The following POLR2F variants were observed in gnomAD, a reference collection of about 807,000 sequenced individuals.
The protein encoded by POLR2F is RNA polymerase II, I and III subunit F.
POLR2F carries 12 observed loss-of-function variants against 22.7 expected under a neutral mutation model. The ratio of observed to expected loss-of-function variants is 0.53; its 90% CI spans 0.34 to 0.86. POLR2F has a LOEUF of 0.86. POLR2F is among the 40% of genes least tolerant of loss of function. The pLI is 0.02. For missense variants in POLR2F, 126 were observed against 171.5 expected, an observed-to-expected ratio of 0.73 and a Z score of 1.48; for synonymous variants, 57 against 66.0, an observed-to-expected ratio of 0.86 and a Z score of 0.66.
chr22:38,024,868 T>C (rs1449851093), intron 1 of POLR2F, among the ~76,000 whole-genome samples: 5 of 151,974 alleles, frequency 3.3e-5, no homozygotes, highest in Non-Finnish European at 5.9e-5. Flanking sequence ...CTGTGGACCA[T>C]GCAGAGGAGT....
chr22:38,011,615 G>T (rs781391460), intron 1 of POLR2F, among the ~76,000 whole-genome samples: 6 of 152,072 alleles, frequency 3.9e-5, no homozygotes, highest in Non-Finnish European at 7.4e-5. Flanking sequence ...TTTTTCCACT[G>T]ATGTATGCCT....
Position 38,023,676 on chromosome 22 carries a change from CT to C in POLR2F, c.121-2185del, listed in dbSNP as rs973455860. ...CATTCTTCTGTCTCTATGATTTTTG[CT>C]TTTTTTTCTTTTTGGGATGGAGTCT... is the stretch of plus-strand genomic sequence containing the variant. On this transcript the variant is annotated intron_variant, in intron 1 of 2. Transcript: ENST00000333418. Among the ~76,000 whole-genome samples, 2 of 151,410 alleles carry C rather than the reference CT, an allele frequency of 1.3e-5. 1 individual carries two copies. Among genetic ancestry groups the C allele is most frequent in the Non-Finnish European group, 2.9e-5 (2 of 67,870 alleles).
chr22:37,973,469 G>A (rs775950810), downstream of POLR2F: 699 of 1,419,398 alleles, frequency 4.9e-4, no homozygotes, highest in Non-Finnish European at 6.1e-4. Flanking sequence ...GGGGCTGGGC[G>A]GGGGGTGGTG....
In POLR2F at chr22:37,980,522, G is replaced by A. The variant is rs112319104; in HGVS notation, c.293+13352G>A. On this transcript the variant is annotated intron_variant, in intron 4 of 4. Coordinates refer to the POLR2F transcript ENST00000405557. This position sits in a 1 kb window ranked among gnomAD's most constrained non-coding sequence, Gnocchi z 4.1. ...TAAGCCTGGGGCCACTGCCATCCCC[G>A]ACCCCAGCTCCCTCCTCCACCAGCT... 7.2e-3 allele frequency among the ~76,000 whole-genome samples: 1,095 copies of A among 151,904 alleles called. 15 individuals are homozygous for A. Among genetic ancestry groups the A allele is most frequent in the African/African-American group, 0.023 (955 of 41,388 alleles).
intron 1 of POLR2F, among the ~76,000 whole-genome samples, chr22:37,989,854 CTCCACCT>C (rs1932685939): frequency 6.6e-6 from 1 of 152,216 alleles, no homozygotes; most frequent in Admixed American, 6.5e-5. Flanking sequence ...TTTGGGCCTG[CTCCACCT>C]TCCCCTGGAG....
At chr22:38,036,513 G>A (rs2085117727) in intron 5 of POLR2F, among the ~76,000 whole-genome samples, 2 of 149,798 alleles carry the variant, frequency 1.3e-5, no homozygotes, top group Non-Finnish European at 3.0e-5. Context: ...AGAGGAGCAG[G>A]CCCATTCTTA....
At chr22:37,971,914 C>T (rs370612014), downstream of POLR2F, among the ~76,000 whole-genome samples, 1 of 151,882 alleles carries the variant, frequency 6.6e-6, no homozygotes, top group African/African-American at 2.4e-5. Flanking sequence ...GGGGCATAGC[C>T]GCCGGGCTGG....
At chr22:38,020,706 C>A (rs2084954140) in intron 1 of POLR2F, among the ~76,000 whole-genome samples, 1 of 151,888 alleles carries the variant, frequency 6.6e-6, no homozygotes, top group Non-Finnish European at 1.5e-5. Flanking sequence ...CATGCCACTG[C>A]ACTCTAGCCT....
intron 1 of POLR2F, among the ~76,000 whole-genome samples, chr22:38,018,153 C>T (rs557878188): frequency 6.6e-6 from 1 of 152,178 alleles, no homozygotes; most frequent in African/African-American, 2.4e-5. Flanking sequence ...AGGCTGTGAT[C>T]GAAACCAGGG....
intron 3 of POLR2F, among the ~76,000 whole-genome samples, chr22:37,966,576 C>A (rs1931859751): frequency 1.3e-5 from 2 of 152,132 alleles, no homozygotes; most frequent in South Asian, 4.2e-4. Flanking sequence ...AGTTCGAGAC[C>A]AGCCTGGGCA....
chr22:38,023,989 C>T (rs1206097755), intron 1 of POLR2F, among the ~76,000 whole-genome samples: 2 of 151,976 alleles, frequency 1.3e-5, no homozygotes, highest in Non-Finnish European at 2.9e-5. Context: ...TTATAGGTGC[C>T]TGCCACCATG....
At chr22:37,999,466 C>T (rs2084749079) in intron 1 of POLR2F, among the ~76,000 whole-genome samples, 2 of 152,078 alleles carry the variant, frequency 1.3e-5, no homozygotes. Context: ...AATGTCATAC[C>T]CTAAGGAAGG....
At chr22:38,000,176 C>T (rs540275290) in intron 1 of POLR2F, among the ~76,000 whole-genome samples, 2 of 152,356 alleles carry the variant, frequency 1.3e-5, no homozygotes, top group Non-Finnish European at 2.9e-5. Flanking sequence ...CCACTGGCCT[C>T]GGTTCCTCCC....
chr22:37,998,026 G>C (rs1015896077), intron 1 of POLR2F, among the ~76,000 whole-genome samples: 1 of 152,212 alleles, frequency 6.6e-6, no homozygotes, highest in Non-Finnish European at 1.5e-5. Flanking sequence ...ACGGCTTGTG[G>C]AATTGGGGAA....
upstream of POLR2F, chr22:37,984,971 G>A (rs1022062166): frequency 9.2e-5 from 14 of 152,272 alleles, no homozygotes; most frequent in African/African-American, 2.9e-4. This position sits in a 1 kb window ranked among gnomAD's most constrained non-coding sequence, Gnocchi z 4.4. Flanking sequence ...TAGCTGCTTC[G>A]TCTGCGAAAT....
chr22:38,041,228 C>G, downstream of POLR2F: 2 of 1,460,444 alleles, frequency 1.4e-6, no homozygotes, highest in Non-Finnish European at 1.9e-6. Context: ...ACGGTCTAGA[C>G]TGATGGACCA....
chr22:38,010,750 G>A (rs983496320), intron 1 of POLR2F, among the ~76,000 whole-genome samples: 5 of 151,538 alleles, frequency 3.3e-5, no homozygotes, highest in African/African-American at 4.9e-5. Context: ...CCAAGCAGCT[G>A]GAATTACAGG....
downstream of POLR2F, among the ~76,000 whole-genome samples, chr22:38,030,067 C>T (rs1034018467): frequency 2.0e-5 from 3 of 152,126 alleles, no homozygotes; most frequent in African/African-American, 7.2e-5. Context: ...TTGGCTCAAG[C>T]GTGGGGGCAG....
At chr22:38,006,474 T>C (rs1466135112) in intron 1 of POLR2F, among the ~76,000 whole-genome samples, 2 of 152,146 alleles carry the variant, frequency 1.3e-5, no homozygotes, top group Non-Finnish European at 2.9e-5. Flanking sequence ...GCACATACTG[T>C]GTGCCAGGCC....
Sources: allele counts gnomAD v4.1 joint callset (sites outside exome capture counted in the v4.1 genomes callset), GRCh38; gene constraint gnomAD v4.1.1; non-coding constraint Gnocchi (gnomAD v3.1); transcripts MANE v1.5; gene names NCBI Gene and HGNC (gene_info 2026-07-23, HGNC 2026-07-21).